Variants in CCDC175 observed in about 807,000 individuals in gnomAD.
CCDC175 encodes the protein coiled-coil domain-containing protein 175.
Under a neutral mutation model 114.6 loss-of-function variants are expected in CCDC175, and 100 were observed. The observed-to-expected ratio is 0.87, with a 90% CI of 0.74 to 1.03. CCDC175 has a LOEUF of 1.03. Among genes scored for constraint, CCDC175 ranks in the 50% least tolerant of loss-of-function variants. CCDC175 has a pLI of 0.00. For missense variants in CCDC175, 880 were observed against 917.8 expected (o/e 0.96, Z 0.53); for synonymous variants, 306 against 308.7 (o/e 0.99, Z 0.09).
chr14:59,569,899 C>T (rs1464781620), intron 3 of CCDC175, among the ~76,000 whole-genome samples: 1 of 152,140 alleles, frequency 6.6e-6, no homozygotes, highest in African/African-American at 2.4e-5. Context: ...TAAGGAGTAG[C>T]CACCATCCCT....
Position 59,554,764 on chromosome 14 carries a change from G to T in CCDC175, c.954-3328C>A, listed in dbSNP as rs534721252. On this transcript the variant is annotated intron_variant, in intron 7 of 19. Coordinates refer to ENST00000537690, the MANE Select transcript of CCDC175 (RefSeq NM_001164399.2). ...AGAGAGAAGAATCAAATAGACGCAA[G>T]AAAAAATGATAACTGGGATATCACC... Among the ~76,000 whole-genome samples, 356 of 152,088 alleles carry T rather than the reference G, an allele frequency of 2.3e-3. 1 individual carries two copies. The highest frequency in any genetic ancestry group is 7.3e-3 in the African/African-American group (305 of 41,516).
intron 10 of CCDC175, among the ~76,000 whole-genome samples, chr14:59,541,308 C>A (rs1250187529): frequency 6.6e-6 from 1 of 152,110 alleles, no homozygotes; most frequent in Admixed American, 6.5e-5. Context: ...GGGAAAAGTA[C>A]TAACTAAGGA....
intron 13 of CCDC175, among the ~76,000 whole-genome samples, chr14:59,536,118 A>G (rs1284758354): frequency 1.3e-5 from 2 of 151,938 alleles, no homozygotes; most frequent in African/African-American, 4.8e-5. Context: ...TCCTAATTCC[A>G]TCTCAGCATC....
intron 7 of CCDC175, among the ~76,000 whole-genome samples, chr14:59,559,812 G>A (rs1896127397): frequency 6.6e-6 from 1 of 152,054 alleles, no homozygotes; most frequent in Non-Finnish European, 1.5e-5. Context: ...ACTTTTCTTT[G>A]GTGAGATTCT....
At chr14:59,543,075 G>T (rs1234257045) in intron 10 of CCDC175, among the ~76,000 whole-genome samples, 1 of 152,134 alleles carries the variant, frequency 6.6e-6, no homozygotes, top group Admixed American at 6.5e-5. Flanking sequence ...GGGACTCAGT[G>T]TTGTGATAAT....
chr14:59,564,915 G>T lies in CCDC175; in HGVS notation c.720+132C>A. 4.5e-6 allele frequency: 3 copies of T among 670,350 alleles called. No individual in the cohort carries two copies. In the South Asian group the frequency reaches 6.0e-5, roughly 13 times the overall value. 41.5% of individuals were successfully genotyped at this position (670,350 alleles called of 1,614,324 possible). A position where few individuals can be genotyped will look rare whatever the true frequency, so the allele number is the denominator to read the frequency against. ...TGTCCTTGAGTCTCCCGCTCATCCC[G>T]TTTTCCCAGCGCGTTCACAGAAGAT... On this transcript the variant is annotated intron_variant, in intron 5 of 19. Transcript: ENST00000537690.
At chr14:59,565,026 A>G in intron 5 of CCDC175, 21 bp downstream of exon 5, 3 of 1,426,874 alleles carry the variant, frequency 2.1e-6, no homozygotes, top group Non-Finnish European at 2.8e-6. Flanking sequence ...TGTATTTTAA[A>G]GAATAAATCA....
At chr14:59,558,469 T>C (rs1220399515) in intron 7 of CCDC175, among the ~76,000 whole-genome samples, 1 of 152,188 alleles carries the variant, frequency 6.6e-6, no homozygotes, top group Non-Finnish European at 1.5e-5. Flanking sequence ...ATATTCAGCA[T>C]ATATTTTGAA....
Position 59,525,370 on chromosome 14 carries a change from A to G in CCDC175, c.1907T>C (p.Phe636Ser). The change falls in exon 16 of 20, where the codon TTT (phenylalanine) becomes TCT (serine). Residue 636 changes from phenylalanine to serine, a missense_variant. Phe to Ser is a radical substitution (Grantham distance 155). Coordinates refer to ENST00000537690, the MANE Select transcript of CCDC175 (RefSeq NM_001164399.2). The stretch of plus-strand genomic sequence containing the variant: ...ATTTTCTAAGTTCTTTAGAGTTTCA[A>G]AATGATCTTTGTTTTTTTTGCTTTC... ...DQESKKNKDHFETLKNLENGF... is the reference protein window; with the variant it reads ...DQESKKNKDHSETLKNLENGF... 6.6e-7 allele frequency: 1 copy of G among 1,521,662 alleles called. No individual in the cohort carries two copies. Among genetic ancestry groups the G allele is most frequent in the South Asian group, 1.2e-5 (1 of 81,334 alleles). 94.3% of individuals were successfully genotyped at this position (1,521,662 alleles called of 1,614,324 possible).
Position 59,561,127 on chromosome 14 carries a change from C to A in CCDC175, c.945G>T (p.Glu315Asp), listed in dbSNP as rs1193062515. The stretch of plus-strand genomic sequence containing the variant: ...TAAAGCATTACACTTACAGTTTCGC[C>A]TCCAGAATTGCAAGGTCTTTCTTTA... ...SELKKDLAIL[E>D]AKLCFFTDNK... The change falls in exon 7 of 20, where the codon GAG becomes GAT. Residue 315 changes from glutamate (E) to aspartate (D), a missense_variant. Coordinates refer to ENST00000537690, the MANE Select transcript of CCDC175 (RefSeq NM_001164399.2). 6.6e-6 allele frequency: 10 copies of A among 1,517,798 alleles called. No individual in the cohort carries two copies. The East Asian group carries it at 2.0e-4, about 30-fold the overall frequency. 94.0% of individuals were successfully genotyped at this position (1,517,798 alleles called of 1,614,324 possible).
At chr14:59,514,948 G>A (rs1324798174) in intron 17 of CCDC175, among the ~76,000 whole-genome samples, 2 of 152,194 alleles carry the variant, frequency 1.3e-5, no homozygotes, top group Admixed American at 1.3e-4. Context: ...GGGAAGCCCA[G>A]CAGACTAACA....
chr14:59,571,000 C>T (rs1896816651), intron 3 of CCDC175, among the ~76,000 whole-genome samples: 2 of 152,148 alleles, frequency 1.3e-5, no homozygotes, highest in African/African-American at 4.8e-5. Flanking sequence ...CTCAGCCTCC[C>T]AAAGTGCTGG....
rs148173638 is a variant in CCDC175 at position 59,536,360 on chromosome 14, G to A, written c.1623+1663C>T. Among the ~76,000 whole-genome samples the A allele has an allele frequency of 1.7e-4, 26 of 151,854 alleles. No homozygotes were observed. In the East Asian group the frequency reaches 1.8e-3, roughly 10 times the overall value. ...TACAACAGCACACAGACCATATCAC[G>A]TGCACTCTCCCTATCCCACTTCCCT... On this transcript the variant is annotated intron_variant, in intron 13 of 19. Transcript: ENST00000537690.
chr14:59,557,266 C>T (rs567514005), intron 7 of CCDC175, among the ~76,000 whole-genome samples: 1 of 152,152 alleles, frequency 6.6e-6, no homozygotes, highest in Admixed American at 6.5e-5. Flanking sequence ...CACATATACA[C>T]CATGGAATAC....
At chr14:59,550,232 G>T (rs1027766652) in intron 8 of CCDC175, among the ~76,000 whole-genome samples, 2 of 152,056 alleles carry the variant, frequency 1.3e-5, no homozygotes, top group African/African-American at 4.8e-5. Flanking sequence ...TATAGTATTT[G>T]TCACTCAATA....
intron 16 of CCDC175, 39 bp downstream of exon 16, chr14:59,525,243 T>C (rs1376388373): frequency 5.2e-6 from 7 of 1,351,302 alleles, no homozygotes; most frequent in Non-Finnish European, 6.8e-6. Flanking sequence ...AGTCAATTAA[T>C]CAAAGCCATC....
chr14:59,567,753 G>A (rs1443081571), intron 4 of CCDC175, among the ~76,000 whole-genome samples: 1 of 152,098 alleles, frequency 6.6e-6, no homozygotes, highest in Non-Finnish European at 1.5e-5. Context: ...CTGGGAACCA[G>A]CCTCATCCTC....
chr14:59,524,208 C>G (rs1271340863), intron 16 of CCDC175, among the ~76,000 whole-genome samples: 1 of 152,076 alleles, frequency 6.6e-6, no homozygotes. Flanking sequence ...ATGTTGGACT[C>G]TATACACTTT....
intron 8 of CCDC175, 109 bp from the exon 9 acceptor site, chr14:59,545,408 C>T (rs947404721): frequency 1.5e-5 from 12 of 815,956 alleles, no homozygotes; most frequent in South Asian, 6.1e-5. Flanking sequence ...CTTAGCCCAC[C>T]GTGAATATGC....
Sources: allele counts gnomAD v4.1 joint callset (sites outside exome capture counted in the v4.1 genomes callset), GRCh38; gene constraint gnomAD v4.1.1; transcripts MANE v1.5; gene names NCBI Gene and HGNC (gene_info 2026-07-23, HGNC 2026-07-21).